Variants in STIL observed in about 807,000 individuals in gnomAD.
STIL encodes the protein STIL centriolar assembly protein, also known as SCL-interrupting locus protein.
In STIL, 55 loss-of-function variants were observed where a neutral mutation model predicts 110.1. The ratio of observed to expected loss-of-function variants is 0.50; its 90% CI spans 0.40 to 0.63. The LOEUF (loss-of-function observed/expected upper bound fraction) is 0.63, where lower values mean the gene tolerates loss of function less well. Ranked by LOEUF, STIL falls within the 20% of genes least tolerant of loss-of-function variation. The pLI, the probability that STIL is intolerant of heterozygous loss-of-function variation, is 0.00. For synonymous variants in STIL, 481 were observed against 530.0 expected (o/e 0.91, Z 1.27); for missense variants, 1,358 against 1,530.0 (o/e 0.89, Z 1.87).
chr1:47,250,925 GT>G lies in STIL; in HGVS notation c.*210del. 4 of 545,168 alleles carry G rather than the reference GT, an allele frequency of 7.3e-6. No homozygotes were observed. Among genetic ancestry groups the G allele is most frequent in the Non-Finnish European group, 1.3e-5 (4 of 311,456 alleles). 33.8% of individuals were successfully genotyped at this position (545,168 alleles called of 1,614,324 possible). On this transcript the variant is annotated 3_prime_UTR_variant, in exon 17 of 17. Coordinates refer to ENST00000371877, the MANE Select transcript of STIL (RefSeq NM_001048166.1). ...ACTGATCTCAGGGCTTTTCTTAAAG[GT>G]TTCAGTGATGTTGAACAGCTCTATT... is the stretch of plus-strand genomic sequence containing the variant.
chr1:47,270,775 C>T (rs7512955), intron 13 of STIL, among the ~76,000 whole-genome samples: 8,422 of 146,900 alleles, frequency 0.057, 785 homozygotes, highest in African/African-American at 0.2. Flanking sequence ...CGTCCCTGGG[C>T]TCAGGTGATC....
intron 12 of STIL, among the ~76,000 whole-genome samples, chr1:47,273,648 C>A (rs1644904684): frequency 6.6e-6 from 1 of 152,182 alleles, no homozygotes; most frequent in Non-Finnish European, 1.5e-5. Context: ...AGGAATAATG[C>A]TACTTGGACA....
chr1:47,286,416 T>C (rs1307994175), intron 10 of STIL, among the ~76,000 whole-genome samples: 1 of 151,880 alleles, frequency 6.6e-6, no homozygotes, highest in Non-Finnish European at 1.5e-5. Context: ...CCCTAAAAGT[T>C]CTGAGAAAGA....
Position 47,311,654 on chromosome 1 carries a change from G to A in STIL, c.-43-1292C>T, listed in dbSNP as rs533853330. ...CTAAGTATTATTGAAGCTAAACACA[G>A]ACCTCGTAGTCCTTTCTTTAGAGTT... On this transcript the variant is annotated intron_variant, in intron 1 of 16. Transcript: ENST00000371877. Among the ~76,000 whole-genome samples the A allele has an allele frequency of 5.3e-5, 8 of 152,234 alleles. No homozygotes were observed. The South Asian group carries it at 1.7e-3, about 32-fold the overall frequency.
At position 47,263,100 on chromosome 1, in the gene STIL, CA is replaced by C; in HGVS notation, c.2631del (p.Val878Ter). 1 of 1,614,064 alleles carries C rather than the reference CA, an allele frequency of 6.2e-7. No individual in the cohort carries two copies. Among genetic ancestry groups the C allele is most frequent in the Non-Finnish European group, 8.5e-7 (1 of 1,179,954 alleles). ...PLSVSNSSSL[V>X]VRKEPDVPVF... The stretch of plus-strand genomic sequence containing the variant: ...ACAGGTACATCAGGTTCTTTTCTCA[CA>C]ACTAGAGAAGAGCTGCTGGGAAGGA... On this transcript the variant is annotated frameshift_variant, in exon 15 of 17. Transcript: ENST00000371877. LOFTEE classifies it high-confidence loss of function.
chr1:47,299,368 A>C (rs1413533797), intron 6 of STIL, among the ~76,000 whole-genome samples: 1 of 150,762 alleles, frequency 6.6e-6, no homozygotes, highest in Non-Finnish European at 1.5e-5. Flanking sequence ...TGAGTTATCC[A>C]GACATTATAC....
At chr1:47,287,454 T>C (rs1240785638) in intron 10 of STIL, 97 bp downstream of exon 10, 8 of 788,036 alleles carry the variant, frequency 1.0e-5, no homozygotes, top group Middle Eastern at 3.6e-4. Flanking sequence ...ATTTAAAAAA[T>C]CATTTCATCA....
chr1:47,298,766 C>G (rs1557764956), intron 6 of STIL, among the ~76,000 whole-genome samples: 1 of 151,376 alleles, frequency 6.6e-6, no homozygotes, highest in Non-Finnish European at 1.5e-5. Flanking sequence ...TTTTTTGAGA[C>G]AGAGTCTCGC....
chr1:47,280,228 G>A lies in STIL; in HGVS notation c.2217+13C>T. On this transcript the variant is annotated intron_variant, in intron 12 of 16. Transcript: ENST00000371877. The stretch of plus-strand genomic sequence containing the variant: ...CCAAGAAATTAATAGAACTAGGAAA[G>A]CACCAAGCAAACCTGTGCCTGAAGT... 1 of 1,614,080 alleles carries A rather than the reference G, an allele frequency of 6.2e-7. No homozygotes were observed. The highest frequency in any genetic ancestry group is 8.5e-7 in the Non-Finnish European group (1 of 1,180,010).
intron 5 of STIL, among the ~76,000 whole-genome samples, chr1:47,301,235 G>A (rs1408314094): frequency 3.9e-5 from 6 of 151,996 alleles, no homozygotes; most frequent in Non-Finnish European, 5.9e-5. Flanking sequence ...GAGCCACCAT[G>A]CCCAGCCAAG....
chr1:47,284,485 A>C (rs1221095354), intron 10 of STIL, among the ~76,000 whole-genome samples: 1 of 152,132 alleles, frequency 6.6e-6, no homozygotes, highest in Non-Finnish European at 1.5e-5. Flanking sequence ...CAGCCTTCTG[A>C]GTAGCTTTTA....
At chr1:47,289,640 C>T in intron 8 of STIL, 55 bp from the exon 9 acceptor site, 2 of 1,481,174 alleles carry the variant, frequency 1.4e-6, no homozygotes, top group Non-Finnish European at 1.9e-6. Context: ...TGATGACACT[C>T]AAATAACTTC....
intron 15 of STIL, among the ~76,000 whole-genome samples, chr1:47,262,202 A>AT (rs1170941094): frequency 6.6e-6 from 1 of 152,206 alleles, no homozygotes; most frequent in African/African-American, 2.4e-5. Context: ...TGATGAATAC[A>AT]TAGGGCCCTG....
At chr1:47,271,943 C>CTT in intron 13 of STIL, 133 bp downstream of exon 13, 4 of 866,238 alleles carry the variant, frequency 4.6e-6, no homozygotes, top group Non-Finnish European at 7.2e-6. Flanking sequence ...CACACAAAAA[C>CTT]TTAAGTCATA....
At chr1:47,272,638 T>G (rs576852406) in intron 12 of STIL, among the ~76,000 whole-genome samples, 93 of 152,106 alleles carry the variant, frequency 6.1e-4, no homozygotes, top group Non-Finnish European at 1.2e-3. Flanking sequence ...TTTGTAGAGA[T>G]GGGGTTTTGC....
At chr1:47,258,992 C>CTGTTTTTTTTTTTTTTTT (rs1644398809) in intron 16 of STIL, among the ~76,000 whole-genome samples, 1 of 94,402 alleles carries the variant, frequency 1.1e-5, no homozygotes, top group African/African-American at 4.6e-5. Flanking sequence ...AGTAACTTTG[C>CTGTTTTTTTTTTTTTTTT]TTTTTTTTTT....
Position 47,281,205 on chromosome 1 carries a change from G to T in STIL, c.1253C>A (p.Ser418Tyr). 6.2e-7 allele frequency: 1 copy of T among 1,610,840 alleles called. No individual in the cohort carries two copies. Among genetic ancestry groups the T allele is most frequent in the Non-Finnish European group, 8.5e-7 (1 of 1,179,150 alleles). The change falls in exon 12 of 17, where the codon TCT becomes TAT. Residue 418 changes from serine (S) to tyrosine (Y), a missense_variant. Transcript: ENST00000371877. ...PSPHPVSQKI[S>Y]KIQPSVPELS... ...TTCAGGAACTGATGGTTGGATCTTA[G>T]AAATCTACAAATAAGAAAGAAATAG...
chr1:47,312,362 C>G (rs1013986441), intron 1 of STIL, among the ~76,000 whole-genome samples: 1 of 151,646 alleles, frequency 6.6e-6, no homozygotes, highest in African/African-American at 2.4e-5. Flanking sequence ...TGGTGGCGGG[C>G]ACCTGTAGTG....
rs768830025 is a variant in STIL, at chr1:47,301,721, T to C, written c.293A>G (p.Asp98Gly). Residue 98 changes from aspartate (D) to glycine (G), a missense_variant, in exon 5 of 17, where the codon GAT (aspartate) becomes GGT (glycine). Coordinates refer to ENST00000371877, the MANE Select transcript of STIL (RefSeq NM_001048166.1). ...TACTTCTCGACCAGGATCAAAGCGA[T>C]CTACTGTCAATGTTACACCTTCTTC... ...EDEEGVTLTV[D>G]RFDPGREVPE... is the part of the protein sequence containing the mutation. 13 of 1,613,890 alleles carry C rather than the reference T, an allele frequency of 8.1e-6. No individual in the cohort carries two copies. The highest frequency in any genetic ancestry group is 1.7e-5 in the Admixed American group (1 of 59,992).
Sources: gnomAD v4.1 joint callset for allele counts (sites outside exome capture counted in the v4.1 genomes callset) on GRCh38, gnomAD v4.1.1 for gene constraint, MANE v1.5 for transcripts, NCBI Gene and HGNC (gene_info 2026-07-23, HGNC 2026-07-21) for gene names.